The following RBFOX1 variants were observed in gnomAD, a reference collection of about 807,000 sequenced individuals.
The protein encoded by RBFOX1 is RNA binding fox-1 homolog 1.
Under a neutral mutation model 57.7 loss-of-function variants are expected in RBFOX1, and 8 were observed. The observed-to-expected ratio is 0.14, with a 90% CI of 0.08 to 0.25. RBFOX1 has a LOEUF of 0.25. RBFOX1 is among the 10% of genes least tolerant of loss of function. The pLI, the probability that RBFOX1 is intolerant of heterozygous loss-of-function variation, is 1.00. For synonymous variants in RBFOX1, 326 were observed against 222.4 expected (o/e 1.47, Z -4.15); for missense variants, 611 against 548.5 (o/e 1.11, Z -1.14).
At chr16:6,149,140 C>G (rs554305664) in intron 1 of RBFOX1, among the ~76,000 whole-genome samples, 2 of 152,332 alleles carry the variant, frequency 1.3e-5, no homozygotes, top group South Asian at 4.1e-4. Context: ...TAAGGTTTCT[C>G]ATTTTGTTAG....
intron 3 of RBFOX1, among the ~76,000 whole-genome samples, chr16:5,829,376 G>A (rs982083718): frequency 6.6e-6 from 1 of 152,212 alleles, no homozygotes; most frequent in Non-Finnish European, 1.5e-5. Context: ...AGAATGGATT[G>A]AAGAGGCACA....
intron 2 of RBFOX1, among the ~76,000 whole-genome samples, chr16:6,543,282 G>A (rs1299398939): frequency 6.6e-6 from 1 of 152,082 alleles, no homozygotes; most frequent in Non-Finnish European, 1.5e-5. Flanking sequence ...GCAACTCTGG[G>A]AATTGGAACA....
At chr16:5,380,858 G>A (rs2066113039) in intron 1 of RBFOX1, among the ~76,000 whole-genome samples, 1 of 152,220 alleles carries the variant, frequency 6.6e-6, no homozygotes, top group African/African-American at 2.4e-5. Context: ...TCCTGAGGAT[G>A]TACTCATGCA....
intron 3 of RBFOX1, among the ~76,000 whole-genome samples, chr16:7,040,001 T>TC (rs1568486569): frequency 4.7e-5 from 5 of 107,404 alleles, no homozygotes; most frequent in Non-Finnish European, 1.0e-4. Flanking sequence ...TGGGGAGTTA[T>TC]TTTATTATTA....
intron 1 of RBFOX1, among the ~76,000 whole-genome samples, chr16:5,286,559 C>A (rs1390629976): frequency 6.6e-6 from 1 of 152,178 alleles, no homozygotes; most frequent in African/African-American, 2.4e-5. Context: ...ATACAACTTA[C>A]CCTCACAGCT....
chr16:5,301,559 C>T (rs1297499630), intron 1 of RBFOX1, among the ~76,000 whole-genome samples: 1 of 138,146 alleles, frequency 7.2e-6, no homozygotes, highest in African/African-American at 2.6e-5. Flanking sequence ...GCAGAGCTTG[C>T]AGTGAGCCAA....
At chr16:7,110,173 G>A (rs548718387) in intron 4 of RBFOX1, among the ~76,000 whole-genome samples, 40 of 130,882 alleles carry the variant, frequency 3.1e-4, no homozygotes, top group African/African-American at 1.1e-3. Flanking sequence ...AACATAGCGA[G>A]ACCCCCCGTG....
chr16:5,474,423 G>A (rs2069247285), intron 2 of RBFOX1, among the ~76,000 whole-genome samples: 1 of 152,174 alleles, frequency 6.6e-6, no homozygotes, highest in African/African-American at 2.4e-5. Flanking sequence ...GGAGGCCGAG[G>A]TGGGCAGATC....
intron 3 of RBFOX1, among the ~76,000 whole-genome samples, chr16:6,666,576 G>A (rs1411201395): frequency 6.6e-6 from 1 of 151,322 alleles, no homozygotes; most frequent in Non-Finnish European, 1.5e-5. Flanking sequence ...TGTCACTGAG[G>A]TCACCCAGGT....
intron 4 of RBFOX1, among the ~76,000 whole-genome samples, chr16:7,289,170 G>T (rs1040954313): frequency 6.6e-6 from 1 of 152,164 alleles, no homozygotes; most frequent in African/African-American, 2.4e-5. Context: ...AAAGCAGTCA[G>T]GGTGATGATG....
At chr16:7,236,274 G>C (rs544574127) in intron 4 of RBFOX1, among the ~76,000 whole-genome samples, 2 of 152,290 alleles carry the variant, frequency 1.3e-5, no homozygotes, top group African/African-American at 4.8e-5. Context: ...GCGAACTAGG[G>C]TTAATAGGAT....
rs61517347 is a variant in RBFOX1, at chr16:5,754,402, G to A, written c.319-112901G>A. Among the ~76,000 whole-genome samples, 533 of 152,168 alleles carry A rather than the reference G, an allele frequency of 3.5e-3. 6 individuals carry two copies. The highest frequency in any genetic ancestry group is 0.012 in the African/African-American group (505 of 41,510). Reference sequence around the variant, plus strand: ...TTGATGATTGATGTGGGGGTGGGTTGCCCCTACACACCTGTGGGTGTTTCT... The same window carrying A: ...TTGATGATTGATGTGGGGGTGGGTTACCCCTACACACCTGTGGGTGTTTCT... On this transcript the variant is annotated intron_variant, in intron 3 of 19. Coordinates refer to the RBFOX1 transcript ENST00000641259.
At chr16:6,264,969 G>C (rs1180811599) in intron 1 of RBFOX1, among the ~76,000 whole-genome samples, 1 of 152,172 alleles carries the variant, frequency 6.6e-6, no homozygotes, top group Non-Finnish European at 1.5e-5. Context: ...ACTCTGATAA[G>C]AGCAAACGCT....
intron 2 of RBFOX1, among the ~76,000 whole-genome samples, chr16:6,494,777 G>A (rs1004410165): frequency 6.6e-6 from 1 of 152,164 alleles, no homozygotes; most frequent in East Asian, 1.9e-4. Flanking sequence ...AATGCCAGTT[G>A]CGTACAAACT....
chr16:5,280,621 G>A (rs1050813251), intron 1 of RBFOX1, among the ~76,000 whole-genome samples: 3 of 152,180 alleles, frequency 2.0e-5, no homozygotes, highest in Non-Finnish European at 4.4e-5. Flanking sequence ...TTCATTTTGG[G>A]TCAGTTCAGG....
chr16:6,686,059 C>G (rs905405258), intron 3 of RBFOX1, among the ~76,000 whole-genome samples: 6 of 152,282 alleles, frequency 3.9e-5, no homozygotes, highest in Middle Eastern at 3.4e-3. Context: ...ATATGTTTGG[C>G]TGGGCCCAGC....
intron 4 of RBFOX1, among the ~76,000 whole-genome samples, chr16:7,269,119 C>T (rs986355444): frequency 4.7e-5 from 7 of 148,626 alleles, no homozygotes; most frequent in African/African-American, 1.5e-4. Flanking sequence ...AGTCCTTCGT[C>T]TTCCTCTGAA....
At chr16:5,529,389 C>CTT (rs56820577) in intron 2 of RBFOX1, among the ~76,000 whole-genome samples, 3 of 130,930 alleles carry the variant, frequency 2.3e-5, no homozygotes, top group Non-Finnish European at 3.3e-5. Context: ...TGGCCAGTGT[C>CTT]TTTTTTTTTT....
At chr16:7,288,317 A>G (rs533793633) in intron 4 of RBFOX1, among the ~76,000 whole-genome samples, 1 of 152,198 alleles carries the variant, frequency 6.6e-6, no homozygotes, top group African/African-American at 2.4e-5. Context: ...TGCATCATAC[A>G]ATAAAGTAGA....
Sources: allele counts gnomAD v4.1 joint callset (sites outside exome capture counted in the v4.1 genomes callset), GRCh38; gene constraint gnomAD v4.1.1; transcripts MANE v1.5; gene names NCBI Gene and HGNC (gene_info 2026-07-23, HGNC 2026-07-21).